The following ISOC1 variants were observed in gnomAD, a reference collection of about 807,000 sequenced individuals.
ISOC1 encodes the protein isochorismatase domain-containing protein 1.
Under a neutral mutation model 30.0 loss-of-function variants are expected in ISOC1, and 33 were observed. That is an observed-to-expected ratio of 1.10 (90% CI 0.83 to 1.47). The LOEUF (loss-of-function observed/expected upper bound fraction) is 1.47. ISOC1 is among the 40% of genes most tolerant of loss of function. The pLI, the probability that ISOC1 is intolerant of heterozygous loss-of-function variation, is 0.00. For missense variants in ISOC1, 372 were observed against 388.0 expected (o/e 0.96, Z 0.35); for synonymous variants, 178 against 159.8 (o/e 1.11, Z -0.86).
chr5:129,094,772 G>T lies in ISOC1; in HGVS notation c.6G>T (p.Ala2=). Residue 2 remains alanine (A), a synonymous_variant, in exon 1 of 5, where the codon GCG becomes GCT. Coordinates refer to ENST00000173527, the MANE Select transcript of ISOC1 (RefSeq NM_016048.2). M[A]AAEPAVLALP... is the part of the protein sequence containing the mutation. ...TCGCAGACGCTCGGGGGAACATGGC[G>T]GCTGCGGAGCCGGCGGTCCTTGCGC... is the stretch of plus-strand genomic sequence containing the variant. The T allele has an allele frequency of 1.3e-6, 2 of 1,498,782 alleles. No individual in the cohort carries two copies. Among genetic ancestry groups the T allele is most frequent in the Non-Finnish European group, 1.8e-6 (2 of 1,129,538 alleles). The allele number at this position is 1,498,782 out of a possible 1,614,324, so 92.8% of individuals were successfully genotyped here. A position where few individuals can be genotyped will look rare whatever the true frequency, so the allele number is the denominator to read the frequency against.
At chr5:129,107,986 G>A (rs777981435) in intron 4 of ISOC1, among the ~76,000 whole-genome samples, 5 of 152,082 alleles carry the variant, frequency 3.3e-5, no homozygotes, top group South Asian at 2.1e-4. Flanking sequence ...CCATATTGTC[G>A]TTTGATCTCT....
intron 1 of ISOC1, among the ~76,000 whole-genome samples, chr5:129,096,333 A>G (rs1032679999): frequency 6.6e-6 from 1 of 152,102 alleles, no homozygotes; most frequent in African/African-American, 2.4e-5. Context: ...TAACAGTGCC[A>G]TTTTCTGAGG....
At position 129,105,277 on chromosome 5, in the gene ISOC1, A is replaced by G. The variant is rs1184732434; in HGVS notation, c.522A>G (p.Thr174=). The G allele has an allele frequency of 6.2e-7, 1 of 1,613,810 alleles. No homozygotes were observed. Among genetic ancestry groups the G allele is most frequent in the Non-Finnish European group, 8.5e-7 (1 of 1,179,860 alleles). The change falls in exon 3 of 5, where the codon ACA becomes ACG. Residue 174 remains threonine, a synonymous_variant. Coordinates refer to ENST00000173527, the MANE Select transcript of ISOC1 (RefSeq NM_016048.2). The part of the protein sequence containing the change: ...LGSTVQEIDL[T]GVKLVLPKTK... ...GCACGGTTCAAGAAATTGATTTAAC[A>G]GGTGTAAAACTGGTACTTCCAAAGA...
At chr5:129,105,099 C>G in intron 2 of ISOC1, 24 bp downstream of exon 2, 1 of 1,613,516 alleles carries the variant, frequency 6.2e-7, no homozygotes. Flanking sequence ...CTTATTTGGT[C>G]ATATTTGCTG....
chr5:129,094,762 G>T lies in ISOC1; in HGVS notation c.-5G>T. On this transcript the variant is annotated 5_prime_UTR_variant, in exon 1 of 5. Transcript: ENST00000173527. ...GCCTCGGAGCTCGCAGACGCTCGGG[G>T]GAACATGGCGGCTGCGGAGCCGGCG... The T allele has an allele frequency of 6.8e-7, 1 of 1,478,810 alleles. No homozygotes were observed. Among genetic ancestry groups the T allele is most frequent in the East Asian group, 2.8e-5 (1 of 35,268 alleles). 91.6% of individuals were successfully genotyped at this position (1,478,810 alleles called of 1,614,324 possible).
chr5:129,100,673 C>A (rs946440382), intron 1 of ISOC1, among the ~76,000 whole-genome samples: 73 of 152,052 alleles, frequency 4.8e-4, no homozygotes, highest in African/African-American at 1.7e-3. Context: ...TTTTTAATTA[C>A]CTTAAAGATT....
chr5:129,106,940 T>C lies in ISOC1; in HGVS notation c.634-6T>C, dbSNP rs558507130. On this transcript the variant is annotated splice_polypyrimidine_tract_variant and splice_region_variant and intron_variant, in intron 3 of 4. Coordinates refer to ENST00000173527, the MANE Select transcript of ISOC1 (RefSeq NM_016048.2). ...ATTACATATGATTCTTGTACTTTCC[T>C]ACTAGACTCATGTGTGCATCCAACA... 10 of 1,602,820 alleles carry C rather than the reference T, an allele frequency of 6.2e-6. No homozygotes were observed. The East Asian group carries it at 2.0e-4, about 32-fold the overall frequency.
At chr5:129,112,777 C>T (rs934152962) in intron 4 of ISOC1, 78 bp from the exon 5 acceptor site, 4 of 1,469,960 alleles carry the variant, frequency 2.7e-6, no homozygotes, top group South Asian at 1.3e-5. Flanking sequence ...TTATTGCATC[C>T]CAGCATAGTG....
rs1411216889 is a variant in ISOC1 at position 129,113,660 on chromosome 5, A to T, written c.*659A>T. ...TCTCTTTTAACTGAAAAGGGATGGG[A>T]TAGAAGGGTTTGCAATGCCATATTA... On this transcript the variant is annotated 3_prime_UTR_variant, in exon 5 of 5. Coordinates refer to ENST00000173527, the MANE Select transcript of ISOC1 (RefSeq NM_016048.2). 1 of 152,192 alleles carries T rather than the reference A, an allele frequency of 6.6e-6. No individual in the cohort carries two copies. The highest frequency in any genetic ancestry group is 2.4e-5 in the African/African-American group (1 of 41,436). The allele number at this position is 152,192 out of a possible 1,614,324, so 9.4% of individuals were successfully genotyped here.
At chr5:129,111,044 A>G (rs1753700205) in intron 4 of ISOC1, among the ~76,000 whole-genome samples, 1 of 152,164 alleles carries the variant, frequency 6.6e-6, no homozygotes, top group South Asian at 2.1e-4. Context: ...ACTGGACTGC[A>G]GCTTATCATA....
chr5:129,112,845 T>C lies in ISOC1; in HGVS notation c.751-10T>C. 1.2e-6 allele frequency: 2 copies of C among 1,608,496 alleles called. No homozygotes were observed. The highest frequency in any genetic ancestry group is 8.5e-7 in the Non-Finnish European group (1 of 1,178,226). On this transcript the variant is annotated splice_polypyrimidine_tract_variant and intron_variant, in intron 4 of 4. Coordinates refer to ENST00000173527, the MANE Select transcript of ISOC1 (RefSeq NM_016048.2). ...TTATTTCTTGATTTGCCTTTATCTT[T>C]TTGTTCAAGCGTCTCGCTCGAACCG... is the stretch of plus-strand genomic sequence containing the variant.
chr5:129,104,862 C>G (rs1322548734), intron 1 of ISOC1, 94 bp from the exon 2 acceptor site: 25 of 1,282,542 alleles, frequency 1.9e-5, no homozygotes, highest in Non-Finnish European at 2.6e-5. Context: ...CTGGCTCAAA[C>G]AATAGGACCA....
In ISOC1 at chr5:129,094,957, T is replaced by C; in HGVS notation, c.191T>C (p.Met64Thr). Reference sequence around the variant, plus strand: ...AGCCTGTACGGCGACCAGATCGACATGCACCGCAAATTCGTGGTGCAGCTG... The same window carrying C: ...AGCCTGTACGGCGACCAGATCGACACGCACCGCAAATTCGTGGTGCAGCTG... ...FLSLYGDQIDMHRKFVVQLFA... is the reference protein window; with the variant it reads ...FLSLYGDQIDTHRKFVVQLFA... Residue 64 changes from methionine to threonine, a missense_variant, in exon 1 of 5, where the codon ATG becomes ACG. By Grantham distance (81) the Met-to-Thr change is moderately conservative. Transcript: ENST00000173527. 1.2e-6 allele frequency: 2 copies of C among 1,612,250 alleles called. No homozygotes were observed. Among genetic ancestry groups the C allele is most frequent in the Non-Finnish European group, 1.7e-6 (2 of 1,179,838 alleles).
At chr5:129,111,138 A>G (rs892919880) in intron 4 of ISOC1, among the ~76,000 whole-genome samples, 10 of 152,134 alleles carry the variant, frequency 6.6e-5, no homozygotes, top group African/African-American at 2.2e-4. Flanking sequence ...TCAGCTGACT[A>G]TAAAGCAAGG....
chr5:129,110,575 G>A (rs1439038190), intron 4 of ISOC1, among the ~76,000 whole-genome samples: 1 of 152,196 alleles, frequency 6.6e-6, no homozygotes, highest in Non-Finnish European at 1.5e-5. Flanking sequence ...CAATCTTGAA[G>A]CAAAGTGATA....
intron 1 of ISOC1, among the ~76,000 whole-genome samples, chr5:129,099,186 GA>G (rs1333948627): frequency 1.3e-5 from 2 of 152,168 alleles, no homozygotes; most frequent in African/African-American, 4.8e-5. Context: ...TTGAGAGTAG[GA>G]GCTATGATCT....
chr5:129,108,318 AG>A (rs1753662033), intron 4 of ISOC1, among the ~76,000 whole-genome samples: 1 of 152,184 alleles, frequency 6.6e-6, no homozygotes, highest in African/African-American at 2.4e-5. Flanking sequence ...TGGCCACAGC[AG>A]GTGTTTTAGG....
At chr5:129,098,015 G>A (rs928352948) in intron 1 of ISOC1, among the ~76,000 whole-genome samples, 9 of 152,148 alleles carry the variant, frequency 5.9e-5, no homozygotes, top group African/African-American at 1.2e-4. Flanking sequence ...AGTTCATTGC[G>A]TAAATAGTGA....
In ISOC1 at chr5:129,105,016, G is replaced by A; in HGVS notation, c.370G>A (p.Glu124Lys). ...STVFFCCDMQ[E>K]RFRPAIKYFG... Reference sequence around the variant, plus strand: ...TGTGTTTTTCTGCTGTGATATGCAGGAAAGGTTCAGACCAGCCATCAAGTA... The same window carrying A: ...TGTGTTTTTCTGCTGTGATATGCAGAAAAGGTTCAGACCAGCCATCAAGTA... Residue 124 changes from glutamate (E) to lysine (K), a missense_variant, in exon 2 of 5, where the codon GAA becomes AAA. By Grantham distance (56) the Glu-to-Lys change is moderately conservative. Coordinates refer to ENST00000173527, the MANE Select transcript of ISOC1 (RefSeq NM_016048.2). 1 of 1,613,710 alleles carries A rather than the reference G, an allele frequency of 6.2e-7. No individual in the cohort carries two copies.
Sources: allele counts gnomAD v4.1 joint callset (sites outside exome capture counted in the v4.1 genomes callset), GRCh38; gene constraint gnomAD v4.1.1; transcripts MANE v1.5; gene names NCBI Gene and HGNC (gene_info 2026-07-23, HGNC 2026-07-21).